The following MCC variants were observed in gnomAD, a reference collection of about 807,000 sequenced individuals.
The protein encoded by MCC is colorectal mutant cancer protein.
MCC carries 90 observed loss-of-function variants against 116.2 expected under a neutral mutation model. That is an observed-to-expected ratio of 0.77 (90% CI 0.65 to 0.92). The LOEUF (loss-of-function observed/expected upper bound fraction) is 0.92, where lower values mean the gene tolerates loss of function less well. Among genes scored for constraint, MCC ranks in the 40% least tolerant of loss-of-function variants. The probability of loss-of-function intolerance (pLI) is 0.00; values close to 1 mark genes in which losing one functional copy is unlikely to be tolerated. For synonymous variants in MCC, 578 were observed against 510.5 expected (o/e 1.13, Z -1.78); for missense variants, 1,516 against 1,312.2 (o/e 1.16, Z -2.40).
At position 113,219,889 on chromosome 5, in the gene MCC, C is replaced by T. The variant is rs184154055; in HGVS notation, c.628-68467G>A. ...TTTCTACTGTATACCACACACCCAA[C>T]CAACTTGGTACAAATAAATGTGACT... On this transcript the variant is annotated intron_variant, in intron 3 of 18. Transcript: ENST00000408903. Among the ~76,000 whole-genome samples the T allele has an allele frequency of 5.9e-5, 9 of 151,968 alleles. No homozygotes were observed. In the East Asian group the frequency reaches 1.7e-3, roughly 29 times the overall value.
chr5:113,327,561 A>AAATATATATATATATATATATATAT (rs1480996383), intron 3 of MCC, among the ~76,000 whole-genome samples: 1 of 80,562 alleles, frequency 1.2e-5, no homozygotes, highest in Non-Finnish European at 2.5e-5. Flanking sequence ...AAAAAAAAAA[A>AAATATATATATATATATATATATAT]ATATATATAT....
At chr5:113,313,112 C>T (rs981867412) in intron 3 of MCC, among the ~76,000 whole-genome samples, 6 of 151,984 alleles carry the variant, frequency 3.9e-5, no homozygotes, top group Non-Finnish European at 5.9e-5. Flanking sequence ...TTTGGGAGGC[C>T]GAGGCAGGTG....
chr5:113,023,597 C>CT lies in MCC; in HGVS notation c.*3704dup, dbSNP rs1316198911. 6.6e-6 allele frequency: 1 copy of CT among 152,110 alleles called. No individual in the cohort carries two copies. Among genetic ancestry groups the CT allele is most frequent in the Admixed American group, 6.5e-5 (1 of 15,274 alleles). The allele number at this position is 152,110 out of a possible 1,614,324, so 9.4% of individuals were successfully genotyped here. A position where few individuals can be genotyped will look rare whatever the true frequency, so the allele number is the denominator to read the frequency against. On this transcript the variant is annotated 3_prime_UTR_variant, in exon 19 of 19. Transcript: ENST00000408903. ...TTACTATTTTGGCTCTCAAAATACTCTAACTAGTAGCTCTGTTTGCTGAAT... is the reference window on the plus strand; with the variant it reads ...TTACTATTTTGGCTCTCAAAATACTCTTAACTAGTAGCTCTGTTTGCTGAAT...
At chr5:113,390,318 T>C (rs1190879643) in intron 1 of MCC, among the ~76,000 whole-genome samples, 2 of 152,178 alleles carry the variant, frequency 1.3e-5, no homozygotes, top group Non-Finnish European at 2.9e-5. Flanking sequence ...CTCATATTCA[T>C]GCACATATAT....
chr5:113,060,834 G>A (rs765826554), intron 14 of MCC, among the ~76,000 whole-genome samples: 3 of 152,124 alleles, frequency 2.0e-5, no homozygotes, highest in African/African-American at 4.8e-5. Context: ...ACCAGTAAGC[G>A]TTTGTCTCAA....
intron 6 of MCC, among the ~76,000 whole-genome samples, chr5:113,110,046 T>C (rs1048750985): frequency 2.6e-5 from 4 of 152,110 alleles, no homozygotes; most frequent in African/African-American, 7.2e-5. Flanking sequence ...AACGAACTCC[T>C]GGGCTCAATC....
At position 113,212,232 on chromosome 5, in the gene MCC, C is replaced by A. The variant is rs534564741; in HGVS notation, c.628-60810G>T. On this transcript the variant is annotated intron_variant, in intron 3 of 18. Coordinates refer to ENST00000408903, the MANE Select transcript of MCC (RefSeq NM_001085377.2). ...TATCAATTCATATATAGACAATACACACCTATCTAATACTCAAAGGCAAGA... is the reference window on the plus strand; with the variant it reads ...TATCAATTCATATATAGACAATACAAACCTATCTAATACTCAAAGGCAAGA... Among the ~76,000 whole-genome samples, 6 of 152,230 alleles carry A rather than the reference C, an allele frequency of 3.9e-5. No individual in the cohort carries two copies. The South Asian group carries it at 1.2e-3, about 32-fold the overall frequency.
intron 3 of MCC, among the ~76,000 whole-genome samples, chr5:113,198,886 A>G (rs1762551927): frequency 6.6e-6 from 1 of 152,020 alleles, no homozygotes; most frequent in African/African-American, 2.4e-5. Context: ...TGGGCTCACA[A>G]GGGTTGGATG....
intron 3 of MCC, among the ~76,000 whole-genome samples, chr5:113,172,597 A>G (rs1316948331): frequency 6.6e-6 from 1 of 152,214 alleles, no homozygotes; most frequent in Non-Finnish European, 1.5e-5. Flanking sequence ...GGTGACGAGA[A>G]AGACTCCACC....
At chr5:113,119,527 A>T (rs1757610062) in intron 6 of MCC, among the ~76,000 whole-genome samples, 1 of 152,196 alleles carries the variant, frequency 6.6e-6, no homozygotes, top group Admixed American at 6.5e-5. Flanking sequence ...AAAACAGGAC[A>T]AATGGCCAAG....
intron 3 of MCC, among the ~76,000 whole-genome samples, chr5:113,339,290 C>A (rs968416763): frequency 1.1e-4 from 16 of 151,776 alleles, no homozygotes; most frequent in Middle Eastern, 3.2e-3. Flanking sequence ...AATCATATAC[C>A]CCACAAATAG....
intron 3 of MCC, among the ~76,000 whole-genome samples, chr5:113,303,298 T>A (rs957143561): frequency 6.6e-6 from 1 of 152,102 alleles, no homozygotes; most frequent in Non-Finnish European, 1.5e-5. Context: ...AGAGAGTGAG[T>A]AATAATGCAG....
chr5:113,242,947 G>A (rs1336183993), intron 3 of MCC, among the ~76,000 whole-genome samples: 2 of 152,206 alleles, frequency 1.3e-5, no homozygotes, highest in South Asian at 2.1e-4. Context: ...CAGTGAGAGC[G>A]AGATCATCAG....
chr5:113,454,387 G>A (rs971395164), intron 1 of MCC, among the ~76,000 whole-genome samples: 2 of 152,178 alleles, frequency 1.3e-5, no homozygotes, highest in Non-Finnish European at 2.9e-5. Flanking sequence ...TTACAGGCTT[G>A]AGCCATGGTG....
intron 2 of MCC, among the ~76,000 whole-genome samples, chr5:113,373,121 G>C (rs999574633): frequency 6.6e-6 from 1 of 151,832 alleles, no homozygotes; most frequent in Non-Finnish European, 1.5e-5. Context: ...GGAGCTTGCA[G>C]TGAGCCGAGA....
chr5:113,197,404 G>A lies in MCC; in HGVS notation c.628-45982C>T, dbSNP rs556445675. Among the ~76,000 whole-genome samples the A allele has an allele frequency of 3.9e-5, 6 of 152,268 alleles. No individual in the cohort carries two copies. In the East Asian group the frequency reaches 1.2e-3, roughly 29 times the overall value. ...GGTTATGGGGTTTCTTTTTTAGGCAGTGAAAAGGCTGTTTGTGGTGATGGA... is the reference window on the plus strand; with the variant it reads ...GGTTATGGGGTTTCTTTTTTAGGCAATGAAAAGGCTGTTTGTGGTGATGGA... On this transcript the variant is annotated intron_variant, in intron 3 of 18. Transcript: ENST00000408903.
intron 12 of MCC, among the ~76,000 whole-genome samples, chr5:113,068,673 T>C (rs1374637178): frequency 6.6e-6 from 1 of 152,236 alleles, no homozygotes; most frequent in African/African-American, 2.4e-5. Flanking sequence ...TCTTGGACCA[T>C]CCTCCCCGGA....
intron 3 of MCC, among the ~76,000 whole-genome samples, chr5:113,197,712 CA>C (rs1182374524): frequency 2.6e-5 from 4 of 152,170 alleles, no homozygotes; most frequent in Non-Finnish European, 2.9e-5. Context: ...AACCTCACAG[CA>C]ACCCCACATG....
At chr5:113,046,335 G>A (rs1388093824) in intron 16 of MCC, among the ~76,000 whole-genome samples, 2 of 152,012 alleles carry the variant, frequency 1.3e-5, no homozygotes, top group African/African-American at 4.8e-5. Flanking sequence ...TGGGATTACA[G>A]GCGCCACCAC....
Sources: allele counts gnomAD v4.1 joint callset (sites outside exome capture counted in the v4.1 genomes callset), GRCh38; gene constraint gnomAD v4.1.1; transcripts MANE v1.5; gene names NCBI Gene and HGNC (gene_info 2026-07-23, HGNC 2026-07-21).